Variants in SEMA5A observed in about 807,000 individuals in gnomAD.
SEMA5A encodes the protein semaphorin 5A.
Under a neutral mutation model 135.5 loss-of-function variants are expected in SEMA5A, and 55 were observed. The ratio of observed to expected loss-of-function variants is 0.41; its 90% confidence interval spans 0.33 to 0.51. The LOEUF (loss-of-function observed/expected upper bound fraction) is 0.51. SEMA5A is among the 20% of genes least tolerant of loss of function. SEMA5A has a pLI of 0.37. For missense variants in SEMA5A, 1,290 were observed against 1,419.9 expected (o/e 0.91, Z 1.47); for synonymous variants, 580 against 546.5 (o/e 1.06, Z -0.85).
At chr5:9,528,295 A>G (rs1276835806) in intron 1 of SEMA5A, among the ~76,000 whole-genome samples, 3 of 152,190 alleles carry the variant, frequency 2.0e-5, no homozygotes, top group Non-Finnish European at 4.4e-5. Context: ...AAGGTCCCCA[A>G]GAAGTCCTAG....
At chr5:9,361,116 T>G (rs1754673665) in intron 3 of SEMA5A, among the ~76,000 whole-genome samples, 1 of 152,024 alleles carries the variant, frequency 6.6e-6, no homozygotes, top group South Asian at 2.1e-4. Flanking sequence ...CTGGCCAACA[T>G]GGTAAAACGC....
intron 12 of SEMA5A, among the ~76,000 whole-genome samples, chr5:9,147,571 A>G (rs1207188297): frequency 2.6e-5 from 4 of 152,044 alleles, no homozygotes; most frequent in African/African-American, 4.8e-5. Context: ...CGTCCTGCCC[A>G]ATGTCTTTTT....
chr5:9,493,383 T>C (rs868668710), intron 1 of SEMA5A, among the ~76,000 whole-genome samples: 2 of 151,862 alleles, frequency 1.3e-5, no homozygotes, highest in African/African-American at 4.8e-5. Flanking sequence ...CCTACACTTA[T>C]ACATTTTTTT....
chr5:9,165,013 TC>T (rs1273159244), intron 11 of SEMA5A, among the ~76,000 whole-genome samples: 1 of 152,202 alleles, frequency 6.6e-6, no homozygotes, highest in Non-Finnish European at 1.5e-5. Context: ...CCTTCTATCA[TC>T]ATGAGTGCAT....
At chr5:9,249,062 G>A (rs1033060879) in intron 5 of SEMA5A, among the ~76,000 whole-genome samples, 3 of 152,206 alleles carry the variant, frequency 2.0e-5, no homozygotes, top group African/African-American at 7.2e-5. Context: ...TAGTATCTGT[G>A]TGTCCATCTA....
chr5:9,408,854 A>G (rs1485993373), intron 2 of SEMA5A, among the ~76,000 whole-genome samples: 3 of 152,200 alleles, frequency 2.0e-5, no homozygotes, highest in East Asian at 3.9e-4. Flanking sequence ...TAAATGTCAT[A>G]GAGTCTAAGA....
intron 3 of SEMA5A, among the ~76,000 whole-genome samples, chr5:9,340,119 A>G (rs151206297): frequency 9.9e-4 from 151 of 152,348 alleles, no homozygotes; most frequent in African/African-American, 3.4e-3. Context: ...AAAATTTCCA[A>G]TGGTAGGTTG....
At position 9,224,836 on chromosome 5, in the gene SEMA5A, G is replaced by C. The variant is rs1411440503; in HGVS notation, c.484C>G (p.Pro162Ala). ...GTGGAATTGTGCTGGGGACTGTAGG[G>C]ACAGCGGGCCATGCCACTGATCTGA... ...HDQISGMARC[P>A]YSPQHNSTAL... Residue 162 changes from proline to alanine, a missense_variant, in exon 8 of 23, where the codon CCC (proline) becomes GCC (alanine). Physicochemically the swap from Pro to Ala is conservative, Grantham distance 27. Around this residue, in one of 3 missense-constraint regions of SEMA5A, gnomAD observed 145 missense variants for 212.0 expected, o/e 0.68. Transcript: ENST00000382496. 1 of 1,613,860 alleles carries C rather than the reference G, an allele frequency of 6.2e-7. No individual in the cohort carries two copies. Among genetic ancestry groups the C allele is most frequent in the Non-Finnish European group, 8.5e-7 (1 of 1,179,948 alleles).
intron 1 of SEMA5A, among the ~76,000 whole-genome samples, chr5:9,447,748 C>A (rs931721480): frequency 7.2e-5 from 11 of 152,134 alleles, no homozygotes; most frequent in Non-Finnish European, 1.5e-4. Flanking sequence ...GGTGTCTTAC[C>A]TTCCTATAAA....
chr5:9,490,634 A>G (rs926299832), intron 1 of SEMA5A, among the ~76,000 whole-genome samples: 1 of 152,176 alleles, frequency 6.6e-6, no homozygotes, highest in African/African-American at 2.4e-5. Flanking sequence ...GCAGCTCTTA[A>G]AATAAATGGT....
intron 1 of SEMA5A, among the ~76,000 whole-genome samples, chr5:9,442,489 T>C (rs1309787931): frequency 6.6e-6 from 1 of 152,176 alleles, no homozygotes; most frequent in East Asian, 1.9e-4. Flanking sequence ...CTGTACCCTT[T>C]GACTGAGATC....
At chr5:9,451,228 T>TC (rs1398275827) in intron 1 of SEMA5A, among the ~76,000 whole-genome samples, 8 of 152,126 alleles carry the variant, frequency 5.3e-5, no homozygotes, top group Non-Finnish European at 1.0e-4. Context: ...TCCTCACACA[T>TC]CCCGTCAGAG....
chr5:9,437,427 G>A (rs545712750), intron 2 of SEMA5A, among the ~76,000 whole-genome samples: 3 of 152,096 alleles, frequency 2.0e-5, no homozygotes, highest in South Asian at 4.1e-4. Flanking sequence ...TGCAATCTCA[G>A]CTCACTGCAA....
intron 4 of SEMA5A, among the ~76,000 whole-genome samples, chr5:9,332,151 G>C (rs1313514170): frequency 6.6e-6 from 1 of 151,980 alleles, no homozygotes; most frequent in Non-Finnish European, 1.5e-5. Flanking sequence ...GGTGTGCAAA[G>C]TGTGCAGTAT....
intron 5 of SEMA5A, among the ~76,000 whole-genome samples, chr5:9,273,551 G>A (rs900043884): frequency 1.3e-5 from 2 of 151,840 alleles, no homozygotes; most frequent in African/African-American, 4.8e-5. Flanking sequence ...ATTCACCAAG[G>A]TCAAAATGAA....
chr5:9,384,157 C>T (rs1212111794), intron 2 of SEMA5A, among the ~76,000 whole-genome samples: 3 of 152,054 alleles, frequency 2.0e-5, no homozygotes, highest in African/African-American at 4.8e-5. Context: ...CATGCAGAGA[C>T]GTGGGCTTTT....
chr5:9,154,093 A>ATGTGTGTGTGTG lies in SEMA5A; in HGVS notation c.1481+383_1481+394dup, dbSNP rs1553993817. Among the ~76,000 whole-genome samples, 516 of 72,796 alleles carry ATGTGTGTGTGTG rather than the reference A, an allele frequency of 7.1e-3. 29 individuals are homozygous for ATGTGTGTGTGTG. The highest frequency in any genetic ancestry group is 9.2e-3 in the Non-Finnish European group (373 of 40,412). The allele number at this position is 72,796 out of a possible 152,430, so 47.8% of individuals were successfully genotyped here. A position where few individuals can be genotyped will look rare whatever the true frequency, so the allele number is the denominator to read the frequency against. On this transcript the variant is annotated intron_variant, in intron 12 of 22. Coordinates refer to ENST00000382496, the MANE Select transcript of SEMA5A (RefSeq NM_003966.3). ...TATATATATATATATATATATATAT[A>ATGTGTGTGTGTG]TGTGTGTGTGTGTATGTGTGTGTAT...
chr5:9,107,706 A>G, intron 16 of SEMA5A, among the ~76,000 whole-genome samples: 1 of 152,108 alleles, frequency 6.6e-6, no homozygotes, highest in East Asian at 1.9e-4. Flanking sequence ...AAAAACTTGC[A>G]TGATTTGCAG....
chr5:9,362,247 C>T (rs993979131), intron 3 of SEMA5A, among the ~76,000 whole-genome samples: 2 of 152,182 alleles, frequency 1.3e-5, no homozygotes, highest in South Asian at 2.1e-4. Context: ...CCCCAGCCCC[C>T]AGAGGCATTT....
Sources: gnomAD v4.1 joint callset for allele counts (sites outside exome capture counted in the v4.1 genomes callset) on GRCh38, gnomAD v4.1.1 for gene constraint, gnomAD v4.1.1 regional missense constraint, MANE v1.5 for transcripts, NCBI Gene and HGNC (gene_info 2026-07-23, HGNC 2026-07-21) for gene names.